Variants in USP36 observed in about 807,000 individuals in gnomAD.
The protein encoded by USP36 is ubiquitin carboxyl-terminal hydrolase 36.
USP36 carries 59 observed loss-of-function variants against 111.5 expected under a neutral mutation model. The ratio of observed to expected loss-of-function variants is 0.53; its 90% CI spans 0.43 to 0.66. USP36 has a LOEUF of 0.66. USP36 is among the 30% of genes least tolerant of loss of function. The probability of loss-of-function intolerance (pLI) is 0.00; values close to 1 mark genes in which losing one functional copy is unlikely to be tolerated. For missense variants in USP36, 1,488 were observed against 1,468.0 expected, an observed-to-expected ratio of 1.01 and a Z score of -0.22; for synonymous variants, 628 against 581.0, an observed-to-expected ratio of 1.08 and a Z score of -1.16.
downstream of USP36, among the ~76,000 whole-genome samples, chr17:78,792,324 G>A (rs1221739694): frequency 1.3e-5 from 2 of 151,906 alleles, no homozygotes; most frequent in East Asian, 3.9e-4. Context: ...GGTCCCCAGG[G>A]TGGAAGAAGT....
At chr17:78,811,748 G>A (rs1327706331) in intron 13 of USP36, among the ~76,000 whole-genome samples, 2 of 152,092 alleles carry the variant, frequency 1.3e-5, no homozygotes, top group East Asian at 1.9e-4. Flanking sequence ...CACGCCTGTA[G>A]TCCCAGCTAC....
chr17:78,813,073 T>C (rs1032776250), intron 12 of USP36, 72 bp from the exon 13 acceptor site: 1 of 1,588,170 alleles, frequency 6.3e-7, no homozygotes, highest in Non-Finnish European at 8.6e-7. Flanking sequence ...TTAGAATAAG[T>C]TAAGGCGGGG....
intron 5 of USP36, among the ~76,000 whole-genome samples, chr17:78,827,789 GTC>G (rs2067704354): frequency 6.6e-6 from 1 of 152,182 alleles, no homozygotes; most frequent in East Asian, 1.9e-4. Context: ...TGTGCCTGTA[GTC>G]CCAGCTACTT....
At chr17:78,802,695 G>A (rs898922822) in intron 16 of USP36, among the ~76,000 whole-genome samples, 160 bp from the exon 17 acceptor site, 23 of 152,170 alleles carry the variant, frequency 1.5e-4, no homozygotes, top group African/African-American at 5.3e-4. Flanking sequence ...ATTAGCGGAC[G>A]CTCCACACGC....
intron 6 of USP36, 31 bp from the exon 7 acceptor site, chr17:78,822,035 G>A: frequency 1.2e-6 from 2 of 1,613,644 alleles, no homozygotes; most frequent in Middle Eastern, 3.3e-4. Flanking sequence ...TTTAAGGGAA[G>A]GGCTCAGCAA....
chr17:78,820,800 A>C (rs1291908999), intron 8 of USP36, among the ~76,000 whole-genome samples, 191 bp downstream of exon 8: 1 of 152,212 alleles, frequency 6.6e-6, no homozygotes, highest in Non-Finnish European at 1.5e-5. Context: ...TCTTTAAATA[A>C]AAGGATACGC....
Position 78,813,760 on chromosome 17 carries a change from G to A in USP36, c.1265+13C>T, listed in dbSNP as rs200030393. 11 of 1,611,846 alleles carry A rather than the reference G, an allele frequency of 6.8e-6. No individual in the cohort carries two copies. The highest frequency in any genetic ancestry group is 2.2e-5 in the East Asian group (1 of 44,872). ...GGGAGTGAGCTCATCTGGGGAGGGC[G>A]TGAGTTTATTACCGCAGATAGAACA... On this transcript the variant is annotated intron_variant, in intron 12 of 20. Coordinates refer to ENST00000449938, the MANE Select transcript of USP36 (RefSeq NM_001385174.1).
At chr17:78,805,036 G>A (rs1274392268) in intron 15 of USP36, among the ~76,000 whole-genome samples, 5 of 152,130 alleles carry the variant, frequency 3.3e-5, no homozygotes, top group South Asian at 2.1e-4. Flanking sequence ...AGGCGTGTCC[G>A]GGACAGGATC....
At position 78,798,643 on chromosome 17, in the gene USP36, C is replaced by T. The variant is rs550678998; in HGVS notation, c.3241-92G>A. 1.3e-6 allele frequency: 2 copies of T among 1,575,476 alleles called. No individual in the cohort carries two copies. Among genetic ancestry groups the T allele is most frequent in the African/African-American group, 1.4e-5 (1 of 74,002 alleles). On this transcript the variant is annotated intron_variant, in intron 19 of 20. Coordinates refer to ENST00000449938, the MANE Select transcript of USP36 (RefSeq NM_001385174.1). This position sits in a 1 kb window ranked among gnomAD's most constrained non-coding sequence, Gnocchi z 5.1. ...GCTGCATGCAGGTCCTGCACACAGG[C>T]CGGGCTCTCATGAGCTCTCTGGAGA... is the stretch of plus-strand genomic sequence containing the variant.
In USP36 at chr17:78,799,561, T is replaced by C; in HGVS notation, c.3124+106A>G. ...TCTTCCCATTCTCAAAGCCGAGCGA[T>C]GCCCGCCCGCCACACTCACAGTGCA... On this transcript the variant is annotated intron_variant, in intron 18 of 20. Transcript: ENST00000449938. The C allele has an allele frequency of 5.0e-6, 5 of 1,009,530 alleles. No homozygotes were observed. The South Asian group carries it at 7.0e-5, about 14-fold the overall frequency. The allele number at this position is 1,009,530 out of a possible 1,614,324, so 62.5% of individuals were successfully genotyped here.
At chr17:78,839,249 A>T (rs1444521860) in intron 1 of USP36, among the ~76,000 whole-genome samples, 1 of 152,218 alleles carries the variant, frequency 6.6e-6, no homozygotes, top group Non-Finnish European at 1.5e-5. Context: ...AAACACACAG[A>T]TGGAGAACCG....
intron 4 of USP36, among the ~76,000 whole-genome samples, chr17:78,832,723 CAG>C (rs574737979): frequency 1.3e-3 from 194 of 152,296 alleles, no homozygotes; most frequent in Non-Finnish European, 2.0e-3. Context: ...CCTGGGATAG[CAG>C]AGTCTTACTG....
Position 78,798,232 on chromosome 17 carries a change from GACACACACCACAGACGCGCCCACACC to G in USP36, c.*20+142_*20+167del. On this transcript the variant is annotated intron_variant, in intron 20 of 20. Transcript: ENST00000449938. The surrounding 1 kb of genome is among the most constrained non-coding windows in gnomAD (Gnocchi z 5.1). ...CACACACCCTTCTCCAAGTGACTAG[GACACACACCACAGACGCGCCCACACC>G]ACACACACCACCCAACACACATGTG... 2 of 822,960 alleles carry G rather than the reference GACACACACCACAGACGCGCCCACACC, an allele frequency of 2.4e-6. No homozygotes were observed. Among genetic ancestry groups the G allele is most frequent in the Non-Finnish European group, 3.7e-6 (2 of 541,100 alleles). 51.0% of individuals were successfully genotyped at this position (822,960 alleles called of 1,614,324 possible).
In USP36 at chr17:78,819,918, C is replaced by T. The variant is rs199509578; in HGVS notation, c.911+12G>A. 2.2e-4 allele frequency: 355 copies of T among 1,613,532 alleles called. No homozygotes were observed. The highest frequency in any genetic ancestry group is 2.6e-4 in the Non-Finnish European group (306 of 1,179,704). On this transcript the variant is annotated intron_variant, in intron 9 of 20. Coordinates refer to ENST00000449938, the MANE Select transcript of USP36 (RefSeq NM_001385174.1). ...GGTATCAGTCTTCTGCCACAAGCAACGTGAAACTTACTTAGCACACATGTA... is the reference window on the plus strand; with the variant it reads ...GGTATCAGTCTTCTGCCACAAGCAATGTGAAACTTACTTAGCACACATGTA...
rs140283267 is a variant in USP36, at chr17:78,803,996, A to G, written c.2217-18T>C. 9.5e-3 allele frequency: 14,603 copies of G among 1,540,604 alleles called. 109 individuals are homozygous for G. Among genetic ancestry groups the G allele is most frequent in the Non-Finnish European group, 0.01 (11,758 of 1,138,918 alleles). On this transcript the variant is annotated intron_variant, in intron 15 of 20. Transcript: ENST00000449938. This position sits in a 1 kb window ranked among gnomAD's most constrained non-coding sequence, Gnocchi z 4.6. ...ACACAGCCCTGTGGGGACAGCCAGG[A>G]AACAGGGAGAGGATGTTCTGAAAGA...
chr17:78,812,720 A>AAAAAAT, intron 13 of USP36, 140 bp downstream of exon 13: 1 of 752,008 alleles, frequency 1.3e-6, no homozygotes, highest in East Asian at 3.1e-5. Flanking sequence ...AAAAAAAAAG[A>AAAAAAT]AAAGAAAAGA....
intron 14 of USP36, 75 bp from the exon 15 acceptor site, chr17:78,806,361 A>T: frequency 6.3e-7 from 1 of 1,578,828 alleles, no homozygotes; most frequent in Non-Finnish European, 8.6e-7. Context: ...AAACAAAAGT[A>T]ACAAAAAATG....
At chr17:78,794,439 C>T (rs1249193056), downstream of USP36, among the ~76,000 whole-genome samples, 1 of 152,222 alleles carries the variant, frequency 6.6e-6, no homozygotes, top group Non-Finnish European at 1.5e-5. Flanking sequence ...CACCTCACCC[C>T]ACGGTGCTTC....
intron 13 of USP36, among the ~76,000 whole-genome samples, chr17:78,811,130 C>CAAAAAA (rs969048033): frequency 0.015 from 401 of 27,280 alleles, no homozygotes; most frequent in Non-Finnish European, 0.021. Flanking sequence ...GACTCTGTCT[C>CAAAAAA]AAAAAAAAAA....
Sources: gnomAD v4.1 joint callset for allele counts (sites outside exome capture counted in the v4.1 genomes callset) on GRCh38, gnomAD v4.1.1 for gene constraint, Gnocchi (gnomAD v3.1) non-coding constraint, MANE v1.5 for transcripts, NCBI Gene and HGNC (gene_info 2026-07-23, HGNC 2026-07-21) for gene names.